LRP1B: variants seen among roughly 807,000 people sequenced by gnomAD.
LRP1B encodes the protein low-density lipoprotein receptor-related protein 1B.
Under a neutral mutation model 556.6 loss-of-function variants are expected in LRP1B, and 217 were observed. That is an observed-to-expected ratio of 0.39 (90% CI 0.35 to 0.44). LRP1B has a LOEUF of 0.44. LRP1B is among the 20% of genes least tolerant of loss of function. The pLI is 1.00. For missense variants in LRP1B, 5,053 were observed against 5,620.8 expected, an observed-to-expected ratio of 0.90 and a Z score of 3.23; for synonymous variants, 2,047 against 1,865.8, an observed-to-expected ratio of 1.10 and a Z score of -2.50.
At chr2:140,246,815 A>G (rs1428239989) in intron 87 of LRP1B, among the ~76,000 whole-genome samples, 2 of 151,512 alleles carry the variant, frequency 1.3e-5, no homozygotes, top group African/African-American at 2.4e-5. Flanking sequence ...GAATATTTCC[A>G]AAGAAAAGCT....
chr2:141,558,439 A>T (rs1319822354), intron 2 of LRP1B, among the ~76,000 whole-genome samples: 1 of 151,766 alleles, frequency 6.6e-6, no homozygotes, highest in Non-Finnish European at 1.5e-5. Context: ...GACCCTAGAA[A>T]ATCAAATCAC....
At chr2:141,522,405 C>G (rs1350221355) in intron 2 of LRP1B, among the ~76,000 whole-genome samples, 1 of 151,900 alleles carries the variant, frequency 6.6e-6, no homozygotes, top group Admixed American at 6.6e-5. Flanking sequence ...GAAAGGAGAG[C>G]CTGAATGTGG....
At chr2:140,859,616 T>G (rs1692727233) in intron 27 of LRP1B, among the ~76,000 whole-genome samples, 1 of 152,172 alleles carries the variant, frequency 6.6e-6, no homozygotes, top group South Asian at 2.1e-4. Flanking sequence ...ATAATTTATT[T>G]TATTATATTA....
At chr2:140,592,973 C>T (rs1558990543) in intron 43 of LRP1B, among the ~76,000 whole-genome samples, 2 of 150,160 alleles carry the variant, frequency 1.3e-5, no homozygotes, top group Admixed American at 6.7e-5. Flanking sequence ...CACACATACA[C>T]ACAAAGTAGA....
chr2:140,451,810 A>G (rs770239400), intron 62 of LRP1B, among the ~76,000 whole-genome samples: 14 of 152,184 alleles, frequency 9.2e-5, no homozygotes, highest in Non-Finnish European at 1.3e-4. Flanking sequence ...AGGCACAGAA[A>G]AAAACATGTA....
intron 1 of LRP1B, among the ~76,000 whole-genome samples, chr2:142,021,281 T>C (rs913224443): frequency 6.6e-6 from 1 of 152,066 alleles, no homozygotes; most frequent in South Asian, 2.1e-4. Flanking sequence ...GAATAGATTT[T>C]TGAGATTTTA....
At chr2:141,474,875 C>G (rs917136819) in intron 3 of LRP1B, among the ~76,000 whole-genome samples, 1 of 152,118 alleles carries the variant, frequency 6.6e-6, no homozygotes, top group African/African-American at 2.4e-5. Context: ...TTAGTAAAAT[C>G]TTCACACATG....
chr2:140,394,427 C>T (rs1295770822), intron 66 of LRP1B, among the ~76,000 whole-genome samples: 1 of 152,038 alleles, frequency 6.6e-6, no homozygotes, highest in African/African-American at 2.4e-5. Flanking sequence ...TGTATGGTGG[C>T]CAGGTGATGT....
intron 1 of LRP1B, among the ~76,000 whole-genome samples, chr2:141,937,056 AC>A (rs967240079): frequency 3.4e-5 from 5 of 147,932 alleles, no homozygotes; most frequent in African/African-American, 9.8e-5. Flanking sequence ...ATAAAAAGTA[AC>A]CTTAAAGTAA....
At chr2:140,532,673 G>A (rs1690750893) in intron 47 of LRP1B, among the ~76,000 whole-genome samples, 1 of 151,914 alleles carries the variant, frequency 6.6e-6, no homozygotes, top group African/African-American at 2.4e-5. Flanking sequence ...GGGATTACAG[G>A]CATGAGCCAC....
At chr2:141,323,906 A>ACC in intron 3 of LRP1B, among the ~76,000 whole-genome samples, 1 of 133,760 alleles carries the variant, frequency 7.5e-6, no homozygotes, top group Non-Finnish European at 1.6e-5. Flanking sequence ...ACACACACAC[A>ACC]CCTGAACGAG....
In LRP1B at chr2:140,769,198, T is replaced by G. The variant is rs1414489064; in HGVS notation, c.5758+15A>C. On this transcript the variant is annotated intron_variant, in intron 35 of 90. Coordinates refer to ENST00000389484, the MANE Select transcript of LRP1B (RefSeq NM_018557.3). ...GAATATATTATGCATAAATTATGAC[T>G]AAAAAGCTATTTACCTGCATGGAAA... The G allele has an allele frequency of 6.2e-7, 1 of 1,609,160 alleles. No homozygotes were observed. Among genetic ancestry groups the G allele is most frequent in the Admixed American group, 1.7e-5 (1 of 59,812 alleles).
chr2:142,043,971 T>C (rs1192179733), intron 1 of LRP1B, among the ~76,000 whole-genome samples: 1 of 151,740 alleles, frequency 6.6e-6, no homozygotes, highest in Admixed American at 6.6e-5. Context: ...ACCTCACTAG[T>C]AGCCCTAAAA....
At chr2:142,097,243 A>T (rs922804719) in intron 1 of LRP1B, among the ~76,000 whole-genome samples, 2 of 151,680 alleles carry the variant, frequency 1.3e-5, no homozygotes, top group Non-Finnish European at 3.0e-5. Context: ...TGAAAACAAT[A>T]ATCGTTGAAA....
intron 4 of LRP1B, among the ~76,000 whole-genome samples, chr2:141,252,153 A>T (rs12472187): frequency 9.2e-5 from 14 of 151,956 alleles, no homozygotes; most frequent in Admixed American, 8.5e-4. Context: ...AATTGCTCCA[A>T]CTATGGGGTT....
chr2:140,615,086 T>C lies in LRP1B; in HGVS notation c.6800-13447A>G, dbSNP rs114073849. Among the ~76,000 whole-genome samples, 454 of 152,220 alleles carry C rather than the reference T, an allele frequency of 3.0e-3. 6 individuals are homozygous for C. The highest frequency in any genetic ancestry group is 0.011 in the African/African-American group (443 of 41,564). On this transcript the variant is annotated intron_variant, in intron 41 of 90. Transcript: ENST00000389484. ...GGCCACAAGATTTATGTAACAGAGT[T>C]ATGTAACAGAGGCCTCCCCAAATGC... is the stretch of plus-strand genomic sequence containing the variant.
intron 41 of LRP1B, among the ~76,000 whole-genome samples, chr2:140,642,453 A>C (rs972600999): frequency 1.3e-5 from 2 of 152,180 alleles, no homozygotes; most frequent in African/African-American, 4.8e-5. Context: ...CCTGGTGTTC[A>C]TATGGGTTAT....
At chr2:142,028,659 C>A (rs967693833) in intron 1 of LRP1B, among the ~76,000 whole-genome samples, 1 of 151,926 alleles carries the variant, frequency 6.6e-6, no homozygotes, top group Admixed American at 6.6e-5. Flanking sequence ...TGTGGTAACA[C>A]AAGTTTAATT....
At chr2:140,562,186 TTA>T (rs1441309479) in intron 43 of LRP1B, among the ~76,000 whole-genome samples, 1 of 152,190 alleles carries the variant, frequency 6.6e-6, no homozygotes, top group South Asian at 2.1e-4. Context: ...TTTTAAAAGT[TTA>T]GTGACTTTAT....
Sources: gnomAD v4.1 joint callset for allele counts (sites outside exome capture counted in the v4.1 genomes callset) on GRCh38, gnomAD v4.1.1 for gene constraint, MANE v1.5 for transcripts, NCBI Gene and HGNC (gene_info 2026-07-23, HGNC 2026-07-21) for gene names.